The following TDRD1 variants were observed in gnomAD, a reference collection of about 807,000 sequenced individuals.
TDRD1 encodes tudor domain-containing protein 1.
TDRD1 carries 37 observed loss-of-function variants against 140.6 expected under a neutral mutation model. The observed-to-expected ratio is 0.26, with a 90% CI of 0.20 to 0.35. The LOEUF (loss-of-function observed/expected upper bound fraction) is 0.35. TDRD1 is among the 10% of genes least tolerant of loss of function. The probability of loss-of-function intolerance (pLI) is 1.00; values close to 1 mark genes in which losing one functional copy is unlikely to be tolerated. For missense variants in TDRD1, 1,243 were observed against 1,393.0 expected (o/e 0.89, Z 1.71); for synonymous variants, 506 against 475.7 (o/e 1.06, Z -0.83).
At chr10:114,177,302 T>C (rs1414390891), upstream of TDRD1, among the ~76,000 whole-genome samples, 1 of 152,128 alleles carries the variant, frequency 6.6e-6, no homozygotes, top group African/African-American at 2.4e-5. Flanking sequence ...AAAAAAAGAA[T>C]ATAGTAGAAA....
At chr10:114,229,924 G>A (rs969231170) in intron 25 of TDRD1, among the ~76,000 whole-genome samples, 1 of 151,056 alleles carries the variant, frequency 6.6e-6, no homozygotes, top group Non-Finnish European at 1.5e-5. Context: ...TCCGCCTCCC[G>A]GGTTCATGCC....
intron 3 of TDRD1, 49 bp from the exon 4 acceptor site, chr10:114,199,124 G>A: frequency 6.3e-7 from 1 of 1,576,166 alleles, no homozygotes; most frequent in East Asian, 2.2e-5. Flanking sequence ...GTATTTAAAT[G>A]GAAAAGTTAT....
At chr10:114,202,293 A>G in exon 6 of TDRD1, 3 of 1,603,424 alleles carry the variant, frequency 1.9e-6, no homozygotes, top group Middle Eastern at 1.8e-4. Context: ...GGAGGTAAAC[A>G]ATAAGGTATG....
upstream of TDRD1, chr10:114,179,226 T>A (rs1046326849): frequency 1.3e-5 from 2 of 152,314 alleles, no homozygotes; most frequent in African/African-American, 4.8e-5. Context: ...AGGGAACACG[T>A]GGGCACATTG....
chr10:114,213,641 TA>T, intron 15 of TDRD1, 53 bp downstream of exon 15: 1 of 1,509,664 alleles, frequency 6.6e-7, no homozygotes, highest in Non-Finnish European at 9.0e-7. Context: ...GATGGTTCTA[TA>T]AATAAATAGT....
At chr10:114,195,233 G>A (rs2034262178) in intron 3 of TDRD1, among the ~76,000 whole-genome samples, 2 of 152,118 alleles carry the variant, frequency 1.3e-5, no homozygotes, top group African/African-American at 4.8e-5. Context: ...GTTCTTTTAA[G>A]TTTGTTGAGG....
chr10:114,212,339 C>T (rs1261954625), intron 14 of TDRD1, among the ~76,000 whole-genome samples: 1 of 152,166 alleles, frequency 6.6e-6, no homozygotes, highest in Non-Finnish European at 1.5e-5. Flanking sequence ...TCCCAAAATA[C>T]TTCCTTAGGC....
At chr10:114,211,820 T>C (rs761207085) in intron 13 of TDRD1, 46 bp from the exon 14 acceptor site, 5 of 1,469,912 alleles carry the variant, frequency 3.4e-6, no homozygotes, top group Admixed American at 5.5e-5. Context: ...TTTATTTACA[T>C]CTACAGTGGA....
chr10:114,211,236 G>T (rs2035463307), intron 13 of TDRD1, among the ~76,000 whole-genome samples: 1 of 152,148 alleles, frequency 6.6e-6, no homozygotes, highest in African/African-American at 2.4e-5. Flanking sequence ...TCAGCCTTTT[G>T]GTTTTGGGGA....
chr10:114,180,961 T>C (rs568699245), intron 1 of TDRD1, among the ~76,000 whole-genome samples: 1 of 152,158 alleles, frequency 6.6e-6, no homozygotes, highest in South Asian at 2.1e-4. Flanking sequence ...TAGTGTATCT[T>C]AGGAAGCCCC....
chr10:114,197,781 C>T (rs1318144594), intron 3 of TDRD1, among the ~76,000 whole-genome samples: 1 of 151,980 alleles, frequency 6.6e-6, no homozygotes, highest in African/African-American at 2.4e-5. Flanking sequence ...CCTCAGCTTC[C>T]TGAGTAACTG....
chr10:114,184,191 A>C (rs1170480539), intron 1 of TDRD1, among the ~76,000 whole-genome samples: 2 of 151,846 alleles, frequency 1.3e-5, no homozygotes, highest in African/African-American at 4.8e-5. Flanking sequence ...TTTTACTATA[A>C]ATAGGGTTGA....
intron 16 of TDRD1, among the ~76,000 whole-genome samples, chr10:114,214,518 G>T (rs573333567): frequency 6.6e-6 from 1 of 152,226 alleles, no homozygotes; most frequent in African/African-American, 2.4e-5. Context: ...GAGCTAGACC[G>T]TGTCTCTGGA....
At chr10:114,220,912 T>A (rs1202687384) in intron 19 of TDRD1, 69 bp downstream of exon 19, 1 of 1,154,248 alleles carries the variant, frequency 8.7e-7, no homozygotes, top group Admixed American at 2.1e-5. Context: ...TGAAAAATTT[T>A]CCATCATAAA....
chr10:114,177,681 A>T (rs967211898), upstream of TDRD1, among the ~76,000 whole-genome samples: 3 of 152,218 alleles, frequency 2.0e-5, no homozygotes, highest in Admixed American at 2.0e-4. Context: ...GAAATCAAAA[A>T]GATGGGCTTT....
rs955141885 is a variant in TDRD1 at position 114,184,053 on chromosome 10, A to G, written c.-6-3773A>G. Reference sequence around the variant, plus strand: ...AAAAACCCCATAGATATATACTTATATATTTCTAAATTGCTTCCCAGAAAG... The same window carrying G: ...AAAAACCCCATAGATATATACTTATGTATTTCTAAATTGCTTCCCAGAAAG... On this transcript the variant is annotated intron_variant, in intron 1 of 25. Coordinates refer to ENST00000251864, the Ensembl canonical transcript of TDRD1. Among the ~76,000 whole-genome samples, 10 of 152,242 alleles carry G rather than the reference A, an allele frequency of 6.6e-5. No individual in the cohort carries two copies. In the East Asian group the frequency reaches 1.2e-3, roughly 18 times the overall value.
upstream of TDRD1, among the ~76,000 whole-genome samples, chr10:114,175,588 T>G (rs1017408958): frequency 6.6e-6 from 1 of 152,148 alleles, no homozygotes; most frequent in Non-Finnish European, 1.5e-5. Context: ...CCAAAAAAAG[T>G]TACCTTGGCT....
At chr10:114,197,435 A>G (rs763375484) in intron 3 of TDRD1, among the ~76,000 whole-genome samples, 9 of 151,994 alleles carry the variant, frequency 5.9e-5, no homozygotes, top group Non-Finnish European at 1.3e-4. Flanking sequence ...TTATTTCTTT[A>G]GGGAGACTCC....
rs763354748 is a variant in TDRD1, at chr10:114,210,534, T to C, written c.1385-47T>C. ...AAAGCGTGCATAATTTTTTTTTTAC[T>C]TTGGATGAAAACAAAATGGCTTATT... On this transcript the variant is annotated intron_variant, in intron 11 of 25. Transcript: ENST00000251864. 9.3e-6 allele frequency: 14 copies of C among 1,507,900 alleles called. No individual in the cohort carries two copies. In the African/African-American group the frequency reaches 1.7e-4, roughly 18 times the overall value. 93.4% of individuals were successfully genotyped at this position (1,507,900 alleles called of 1,614,324 possible). A position where few individuals can be genotyped will look rare whatever the true frequency, so the allele number is the denominator to read the frequency against.
Sources: gnomAD v4.1 joint callset for allele counts (sites outside exome capture counted in the v4.1 genomes callset) on GRCh38, gnomAD v4.1.1 for gene constraint, MANE v1.5 for transcripts, NCBI Gene and HGNC (gene_info 2026-07-23, HGNC 2026-07-21) for gene names.